Variants in PCDHA1 observed in about 807,000 individuals in gnomAD.
The protein encoded by PCDHA1 is protocadherin alpha-1.
A neutral mutation model predicts 61.3 loss-of-function variants in PCDHA1; 42 were observed. The observed-to-expected ratio is 0.69, with a 90% CI of 0.54 to 0.89. The LOEUF is 0.89. Ranked by LOEUF, PCDHA1 falls within the 40% of genes least tolerant of loss-of-function variation. The pLI, the probability that PCDHA1 is intolerant of heterozygous loss-of-function variation, is 0.00. For synonymous variants in PCDHA1, 610 were observed against 553.8 expected (o/e 1.10, Z -1.43); for missense variants, 1,256 against 1,235.3 (o/e 1.02, Z -0.25).
chr5:140,966,816 G>A lies in PCDHA1; in HGVS notation c.2395-12133G>A, dbSNP rs1448171487. On this transcript the variant is annotated intron_variant, in intron 1 of 3. Transcript: ENST00000504120. ...GCGGCGACAGAGCATCCACGGCTCC[G>A]GCGGCCCATGCCCTGGCTGCTGCTA... 5.2e-6 allele frequency: 8 copies of A among 1,553,302 alleles called. No homozygotes were observed. The East Asian group carries it at 7.2e-5, about 14-fold the overall frequency.
At position 141,011,371 on chromosome 5, in the gene PCDHA1, G is replaced by A. The variant is rs782444449; in HGVS notation, c.*1434G>A. 6.5e-6 allele frequency: 1 copy of A among 153,724 alleles called. No homozygotes were observed. The highest frequency in any genetic ancestry group is 1.5e-5 in the Non-Finnish European group (1 of 68,022). 9.5% of individuals were successfully genotyped at this position (153,724 alleles called of 1,614,324 possible). On this transcript the variant is annotated 3_prime_UTR_variant, in exon 4 of 4. Transcript: ENST00000504120. ...CTCCCATATGTATGCTGTATGCTAT[G>A]CTAAGACTCCTGAAATATACTTACT...
chr5:140,795,261 C>G (rs1307136021), intron 1 of PCDHA1: 6 of 1,614,016 alleles, frequency 3.7e-6, no homozygotes, highest in African/African-American at 1.3e-5. Flanking sequence ...GCGGGCGGAG[C>G]GCGGAATGTA....
rs2150419766 is a variant in PCDHA1, at chr5:140,848,766, G to C, written c.2394+60082G>C. On this transcript the variant is annotated intron_variant, in intron 1 of 3. Coordinates refer to ENST00000504120, the MANE Select transcript of PCDHA1 (RefSeq NM_018900.4). The stretch of plus-strand genomic sequence containing the variant: ...CATTTTGTTTGTGAATTCTCGGATC[G>C]ACCGCGAGGAGCTGTGCGGGCGGAG... The C allele has an allele frequency of 6.3e-7, 1 of 1,593,418 alleles. No individual in the cohort carries two copies. The highest frequency in any genetic ancestry group is 8.6e-7 in the Non-Finnish European group (1 of 1,164,090).
intron 1 of PCDHA1, chr5:140,853,207 G>A: frequency 2.0e-6 from 2 of 983,504 alleles, no homozygotes; most frequent in Non-Finnish European, 2.5e-6. Context: ...ATTGACGGCT[G>A]TATTGATGGG....
At chr5:140,845,811 T>C (rs200141146) in intron 1 of PCDHA1, among the ~76,000 whole-genome samples, 1 of 149,748 alleles carries the variant, frequency 6.7e-6, no homozygotes, top group South Asian at 2.1e-4. Context: ...GATAGGTACA[T>C]AATAAAATTT....
chr5:140,836,577 T>C lies in PCDHA1; in HGVS notation c.2394+47893T>C. ...CTCAGCGCCGTCCTCTGAGGGCGCA[T>C]GTAGTTTGGTAAAGCCCACTCTGGT... is the stretch of plus-strand genomic sequence containing the variant. On this transcript the variant is annotated intron_variant, in intron 1 of 3. Transcript: ENST00000504120. 1 of 1,613,654 alleles carries C rather than the reference T, an allele frequency of 6.2e-7. No homozygotes were observed. The highest frequency in any genetic ancestry group is 8.5e-7 in the Non-Finnish European group (1 of 1,179,798).
chr5:140,975,679 A>G (rs1312259048), intron 1 of PCDHA1, among the ~76,000 whole-genome samples: 1 of 152,250 alleles, frequency 6.6e-6, no homozygotes, highest in Non-Finnish European at 1.5e-5. Context: ...TATTAATAAA[A>G]TAGGGTATTT....
chr5:140,815,905 A>T (rs1765811325), intron 1 of PCDHA1: 1 of 151,596 alleles, frequency 6.6e-6, no homozygotes, highest in Admixed American at 6.6e-5. Context: ...ATAACATCTC[A>T]CCCCTTTCTG....
intron 1 of PCDHA1, among the ~76,000 whole-genome samples, chr5:140,806,163 G>T (rs980767423): frequency 1.3e-5 from 2 of 152,156 alleles, no homozygotes; most frequent in African/African-American, 2.4e-5. Context: ...ATAAAATGGG[G>T]TAAATTGGCT....
chr5:140,835,730 C>T (rs1773881312), intron 1 of PCDHA1: 30 of 1,613,686 alleles, frequency 1.9e-5, no homozygotes, highest in Non-Finnish European at 2.5e-5. Context: ...CCGACGTGAA[C>T]GACAACGCCC....
chr5:140,876,587 T>C (rs201129017), intron 1 of PCDHA1: 1 of 1,614,208 alleles, frequency 6.2e-7, no homozygotes, highest in African/African-American at 1.3e-5. Context: ...ATTGCCCTGA[T>C]TAGCGTGTCG....
chr5:140,929,613 C>A, intron 1 of PCDHA1: 6 of 406,162 alleles, frequency 1.5e-5, no homozygotes, highest in Non-Finnish European at 2.7e-5. Flanking sequence ...AATAAAATAC[C>A]AAAATATTTT....
intron 1 of PCDHA1, chr5:140,803,100 C>T (rs139788338): frequency 1.9e-6 from 3 of 1,613,758 alleles, no homozygotes; most frequent in African/African-American, 2.7e-5. Flanking sequence ...CAGCACGACC[C>T]GTGCCCTGGA....
In PCDHA1 at chr5:140,842,705, G is replaced by C. The variant is rs2150342552; in HGVS notation, c.2394+54021G>C. 4 of 1,595,328 alleles carry C rather than the reference G, an allele frequency of 2.5e-6. No homozygotes were observed. The African/African-American group carries it at 4.0e-5, about 16-fold the overall frequency. On this transcript the variant is annotated intron_variant, in intron 1 of 3. Coordinates refer to ENST00000504120, the MANE Select transcript of PCDHA1 (RefSeq NM_018900.4). ...GGCGTTCGCGCAGCCCGAGTACACG[G>C]TGTTCGTGAAGGAGAACAACCCGCC... is the stretch of plus-strand genomic sequence containing the variant.
intron 1 of PCDHA1, chr5:140,867,086 T>G (rs2049743912): frequency 6.6e-6 from 1 of 152,178 alleles, no homozygotes; most frequent in African/African-American, 2.4e-5. Context: ...ACTGTATTGT[T>G]GGAAATTAAC....
At chr5:140,910,428 G>A (rs2075029085) in intron 1 of PCDHA1, among the ~76,000 whole-genome samples, 1 of 152,130 alleles carries the variant, frequency 6.6e-6, no homozygotes, top group Admixed American at 6.5e-5. Flanking sequence ...TATTCCCATT[G>A]CATTTAAGTT....
chr5:140,880,645 C>A (rs535367313), intron 1 of PCDHA1, among the ~76,000 whole-genome samples: 1 of 152,032 alleles, frequency 6.6e-6, no homozygotes, highest in Admixed American at 6.6e-5. Context: ...CACTTGAGAG[C>A]CCAACTGAGG....
Position 140,883,556 on chromosome 5 carries a change from G to C in PCDHA1, c.2394+94872G>C, listed in dbSNP as rs144498761. ...TGAACTGGTGGTGACCGCGCGGGAC[G>C]GGGGCTCGCCTTCGCTGTGGGCCAC... On this transcript the variant is annotated intron_variant, in intron 1 of 3. Transcript: ENST00000504120. The C allele has an allele frequency of 2.1e-4, 339 of 1,614,184 alleles. 1 individual carries two copies. In the Middle Eastern group the frequency reaches 8.9e-3, roughly 42 times the overall value.
rs1028195735 is a variant in PCDHA1, at chr5:140,787,699, C to T, written c.1409C>T (p.Pro470Leu). 3 of 1,613,862 alleles carry T rather than the reference C, an allele frequency of 1.9e-6. No homozygotes were observed. The highest frequency in any genetic ancestry group is 1.7e-4 in the Middle Eastern group (1 of 5,952). The change falls in exon 1 of 4, where the codon CCG becomes CTG. Residue 470 changes from proline to leucine, a missense_variant. Transcript: ENST00000504120. Reference protein sequence around the residue: ...YTVFVKENNPPGCHIFTVSAR... With the variant: ...YTVFVKENNPLGCHIFTVSAR... ...GTATTCGTGAAGGAGAACAACCCGC[C>T]GGGCTGCCACATCTTCACGGTGTCT... is the stretch of plus-strand genomic sequence containing the variant.
Sources: allele counts gnomAD v4.1 joint callset (sites outside exome capture counted in the v4.1 genomes callset), GRCh38; gene constraint gnomAD v4.1.1; transcripts MANE v1.5; gene names NCBI Gene and HGNC (gene_info 2026-07-23, HGNC 2026-07-21).